CNTN5: variants seen among roughly 807,000 people sequenced by gnomAD.
The protein encoded by CNTN5 is contactin-5.
CNTN5 carries 77 observed loss-of-function variants against 129.1 expected under a neutral mutation model. The ratio of observed to expected loss-of-function variants is 0.60; its 90% CI spans 0.50 to 0.72. The LOEUF (loss-of-function observed/expected upper bound fraction) is 0.72. Among genes scored for constraint, CNTN5 ranks in the 30% least tolerant of loss-of-function variants. The probability of loss-of-function intolerance (pLI) is 0.00; values close to 1 mark genes in which losing one functional copy is unlikely to be tolerated. For missense variants in CNTN5, 1,478 were observed against 1,328.8 expected, an observed-to-expected ratio of 1.11 and a Z score of -1.75; for synonymous variants, 509 against 465.6, an observed-to-expected ratio of 1.09 and a Z score of -1.20.
At chr11:99,670,716 G>T (rs1435308057) in intron 3 of CNTN5, among the ~76,000 whole-genome samples, 2 of 152,050 alleles carry the variant, frequency 1.3e-5, no homozygotes, top group South Asian at 2.1e-4. Flanking sequence ...GGTGTGGGGG[G>T]ACCAAATGGC....
intron 3 of CNTN5, among the ~76,000 whole-genome samples, chr11:99,630,917 T>C (rs908533325): frequency 1.4e-4 from 22 of 152,278 alleles, no homozygotes; most frequent in African/African-American, 5.1e-4. Context: ...CCGTGGACTG[T>C]TATTTTCCCT....
At chr11:100,254,216 T>C (rs1003129432) in intron 16 of CNTN5, among the ~76,000 whole-genome samples, 3 of 152,156 alleles carry the variant, frequency 2.0e-5, no homozygotes, top group Non-Finnish European at 4.4e-5. Flanking sequence ...ATTTGTATTT[T>C]CTCTTCATTG....
chr11:99,889,467 TA>T (rs1005418759), intron 6 of CNTN5, among the ~76,000 whole-genome samples: 51 of 149,522 alleles, frequency 3.4e-4, no homozygotes, highest in African/African-American at 1.2e-3. Flanking sequence ...TCTGTACCAT[TA>T]AAAAAAAGTC....
chr11:99,243,420 C>T (rs891444657), intron 1 of CNTN5, among the ~76,000 whole-genome samples: 3 of 151,912 alleles, frequency 2.0e-5, no homozygotes, highest in Non-Finnish European at 4.4e-5. Context: ...TCTATTTACT[C>T]TATTGATTGT....
chr11:99,403,485 C>T (rs1456458739), intron 2 of CNTN5, among the ~76,000 whole-genome samples: 1 of 152,008 alleles, frequency 6.6e-6, no homozygotes, highest in Non-Finnish European at 1.5e-5. Flanking sequence ...TTGATGTGAG[C>T]ACTTACAGCT....
In CNTN5 at chr11:99,737,142, C is replaced by A. The variant is rs573394560; in HGVS notation, c.56-82402C>A. 6.9e-5 allele frequency among the ~76,000 whole-genome samples: 10 copies of A among 144,472 alleles called. No individual in the cohort carries two copies. In the South Asian group the frequency reaches 1.7e-3, roughly 24 times the overall value. 94.8% of individuals were successfully genotyped at this position (144,472 alleles called of 152,430 possible). ...CCTGTAACACACATGCACACACACA[C>A]AAACACACACACACACACACGCACA... is the stretch of plus-strand genomic sequence containing the variant. On this transcript the variant is annotated intron_variant, in intron 3 of 24. Transcript: ENST00000524871.
chr11:99,750,672 C>T (rs1944202237), intron 3 of CNTN5, among the ~76,000 whole-genome samples: 1 of 152,082 alleles, frequency 6.6e-6, no homozygotes, highest in African/African-American at 2.4e-5. Flanking sequence ...GGAGCTCTTC[C>T]TTAAGAGACA....
At chr11:99,468,369 T>C (rs1279173369) in intron 2 of CNTN5, among the ~76,000 whole-genome samples, 1 of 152,174 alleles carries the variant, frequency 6.6e-6, no homozygotes, top group Non-Finnish European at 1.5e-5. Context: ...TGCTACCACC[T>C]TTCCTGTCTC....
At chr11:99,776,125 A>C (rs900964922) in intron 3 of CNTN5, among the ~76,000 whole-genome samples, 1 of 151,858 alleles carries the variant, frequency 6.6e-6, no homozygotes, top group African/African-American at 2.4e-5. Flanking sequence ...TTGAGTAAAC[A>C]CTCTGTGCTA....
At chr11:100,139,836 T>C (rs1946636941) in intron 13 of CNTN5, among the ~76,000 whole-genome samples, 1 of 151,496 alleles carries the variant, frequency 6.6e-6, no homozygotes, top group Non-Finnish European at 1.5e-5. Flanking sequence ...GTGACAAGAG[T>C]GAGACTCTGT....
intron 3 of CNTN5, among the ~76,000 whole-genome samples, chr11:99,751,276 G>C (rs1478646002): frequency 1.3e-5 from 2 of 152,192 alleles, no homozygotes; most frequent in Non-Finnish European, 2.9e-5. Context: ...GGCGAAGGTT[G>C]CAGTGAGCTA....
chr11:99,994,017 C>A (rs1939291091), intron 8 of CNTN5, among the ~76,000 whole-genome samples: 1 of 152,046 alleles, frequency 6.6e-6, no homozygotes, highest in Non-Finnish European at 1.5e-5. Flanking sequence ...ATATTAGCAA[C>A]CTCTTGGGGC....
chr11:99,136,768 TA>T (rs200602528), intron 1 of CNTN5, among the ~76,000 whole-genome samples: 7,200 of 74,764 alleles, frequency 0.096, 194 homozygotes, highest in Middle Eastern at 0.13. Context: ...GAAGAAGGCA[TA>T]AAAGGACATG....
intron 3 of CNTN5, among the ~76,000 whole-genome samples, chr11:99,620,304 A>C (rs1342372588): frequency 1.3e-5 from 2 of 151,868 alleles, no homozygotes; most frequent in African/African-American, 4.8e-5. Flanking sequence ...TAATATTTTT[A>C]ACCTCGTCTT....
intron 1 of CNTN5, among the ~76,000 whole-genome samples, chr11:99,093,531 A>C (rs1414226396): frequency 2.0e-5 from 3 of 151,226 alleles, no homozygotes; most frequent in African/African-American, 4.9e-5. Flanking sequence ...TTTTCTTTTG[A>C]CATTAAATGT....
intron 9 of CNTN5, among the ~76,000 whole-genome samples, chr11:100,038,151 G>T (rs1942142449): frequency 2.0e-5 from 3 of 152,096 alleles, no homozygotes; most frequent in Admixed American, 1.3e-4. Context: ...GTGTCCCAGA[G>T]ATTCTGGTAT....
rs74434701 is a variant in CNTN5, at chr11:99,646,369, A to T, written c.55+90100A>T. 5.8e-4 allele frequency among the ~76,000 whole-genome samples: 88 copies of T among 152,338 alleles called. No individual in the cohort carries two copies. In the East Asian group the frequency reaches 0.017, roughly 29 times the overall value. ...AAGTCAAATATGAGAAATTTATTCT[A>T]TCTGCATTGACACTTTGCTTGTGTC... On this transcript the variant is annotated intron_variant, in intron 3 of 24. Coordinates refer to ENST00000524871, the MANE Select transcript of CNTN5 (RefSeq NM_014361.4).
chr11:99,128,659 C>T (rs1371021943), intron 1 of CNTN5, among the ~76,000 whole-genome samples: 1 of 152,184 alleles, frequency 6.6e-6, no homozygotes, highest in African/African-American at 2.4e-5. Context: ...TCATCCTGTG[C>T]CTCCTGACTG....
At chr11:100,223,250 T>C (rs1949303369) in intron 15 of CNTN5, among the ~76,000 whole-genome samples, 2 of 152,132 alleles carry the variant, frequency 1.3e-5, no homozygotes, top group Non-Finnish European at 2.9e-5. Context: ...TTAACAATTA[T>C]TTCATGAGAG....
Sources: gnomAD v4.1 joint callset for allele counts (sites outside exome capture counted in the v4.1 genomes callset) on GRCh38, gnomAD v4.1.1 for gene constraint, MANE v1.5 for transcripts, NCBI Gene and HGNC (gene_info 2026-07-23, HGNC 2026-07-21) for gene names.